Variants in MBD2 observed in about 807,000 individuals in gnomAD.
The protein encoded by MBD2 is methyl-CpG binding domain protein 2.
In MBD2, 9 loss-of-function variants were observed where a neutral mutation model predicts 39.3. That is an observed-to-expected ratio of 0.23 (90% CI 0.14 to 0.40). The LOEUF (loss-of-function observed/expected upper bound fraction) is 0.40. Ranked by LOEUF, MBD2 falls within the 10% of genes least tolerant of loss-of-function variation. MBD2 has a pLI of 1.00. For missense variants in MBD2, 458 were observed against 532.6 expected (o/e 0.86, Z 1.38); for synonymous variants, 233 against 211.1 (o/e 1.10, Z -0.90).
Position 54,153,955 on chromosome 18 carries a change from C to T in MBD2, c.*1369G>A, listed in dbSNP as rs2086037128. ...AACCTAGCTAGTCATATTGCTTTGA[C>T]TATTCCCCTCTTCTTCCCTGCCTTG... On this transcript the variant is annotated 3_prime_UTR_variant, in exon 7 of 7. Transcript: ENST00000256429. The T allele has an allele frequency of 6.6e-6, 1 of 152,212 alleles. No individual in the cohort carries two copies. Among genetic ancestry groups the T allele is most frequent in the African/African-American group, 2.4e-5 (1 of 41,392 alleles). The allele number at this position is 152,212 out of a possible 1,614,324, so 9.4% of individuals were successfully genotyped here. A position where few individuals can be genotyped will look rare whatever the true frequency, so the allele number is the denominator to read the frequency against.
At chr18:54,187,258 A>C (rs2086292424) in intron 3 of MBD2, among the ~76,000 whole-genome samples, 1 of 152,244 alleles carries the variant, frequency 6.6e-6, no homozygotes, top group Admixed American at 6.5e-5. Context: ...TGATCTCATA[A>C]GGAAACTCAA....
At chr18:54,214,503 CATA>C (rs1018680010) in intron 1 of MBD2, among the ~76,000 whole-genome samples, 15 of 152,014 alleles carry the variant, frequency 9.9e-5, no homozygotes, top group African/African-American at 3.6e-4. Flanking sequence ...CTGACCTATG[CATA>C]ATATTTTTTT....
intron 2 of MBD2, among the ~76,000 whole-genome samples, chr18:54,193,902 G>T (rs970872914): frequency 6.6e-6 from 1 of 152,102 alleles, no homozygotes; most frequent in Admixed American, 6.5e-5. Context: ...GATTTCAAAT[G>T]CTCTTTCTTT....
At chr18:54,216,560 C>T (rs1282639351) in intron 1 of MBD2, among the ~76,000 whole-genome samples, 2 of 152,114 alleles carry the variant, frequency 1.3e-5, no homozygotes, top group African/African-American at 2.4e-5. Context: ...TTTCTTAAAG[C>T]AAATGTGATA....
chr18:54,187,953 C>A, intron 3 of MBD2: 3 of 602,942 alleles, frequency 5.0e-6, no homozygotes, highest in Non-Finnish European at 6.2e-6. Flanking sequence ...GGAGATGAGA[C>A]ACTTGAAGGA....
In MBD2 at chr18:54,195,342, C is replaced by T. The variant is rs192763185; in HGVS notation, c.703-6331G>A. ...CTTTAAAATTCACACAAATTTTGCA[C>T]GTTACCTTAAACATTAGTCATGTTT... On this transcript the variant is annotated intron_variant, in intron 2 of 6. Transcript: ENST00000256429. 5.9e-5 allele frequency among the ~76,000 whole-genome samples: 9 copies of T among 152,064 alleles called. No homozygotes were observed. In the East Asian group the frequency reaches 1.5e-3, roughly 26 times the overall value.
Position 54,153,535 on chromosome 18 carries a change from T to C in MBD2, c.*1789A>G, listed in dbSNP as rs2086034315. ...CAAGCTGTTTAGAAAAGCACATATA[T>C]CTTGGCTGGATTGGTTTGTAAAAAG... On this transcript the variant is annotated 3_prime_UTR_variant, in exon 7 of 7. Transcript: ENST00000256429. The C allele has an allele frequency of 6.6e-6, 1 of 152,188 alleles. No homozygotes were observed. The highest frequency in any genetic ancestry group is 2.1e-4 in the South Asian group (1 of 4,834). The allele number at this position is 152,188 out of a possible 1,614,324, so 9.4% of individuals were successfully genotyped here. A position where few individuals can be genotyped will look rare whatever the true frequency, so the allele number is the denominator to read the frequency against.
intron 3 of MBD2, among the ~76,000 whole-genome samples, chr18:54,168,613 TTG>T (rs60604906): frequency 0.19 from 22,392 of 116,454 alleles, 2,609 homozygotes; most frequent in South Asian, 0.32. Context: ...GTATGCATAT[TTG>T]TGTGTGTGTG....
chr18:54,205,963 C>A (rs867357856), intron 1 of MBD2, among the ~76,000 whole-genome samples: 2 of 146,460 alleles, frequency 1.4e-5, no homozygotes, highest in East Asian at 1.9e-4. Flanking sequence ...CACATACACA[C>A]ACACACACAC....
Position 54,224,407 on chromosome 18 carries a change from C to G in MBD2, c.153G>C (p.Arg51Ser). The change falls in exon 1 of 7, where the codon AGG becomes AGC. Residue 51 changes from arginine to serine, a missense_variant. By Grantham distance (110) the Arg-to-Ser change is moderately radical. Transcript: ENST00000256429. The stretch of plus-strand genomic sequence containing the variant: ...CACGGCCGCCGCCCCGAGCGCCTTC[C>G]CTGCGCACGCCGCTCACCGGGGACG... ...LAPSPVSGVR[R>S]EGARGGGRGR... The G allele has an allele frequency of 8.0e-7, 1 of 1,246,422 alleles. No homozygotes were observed. Among genetic ancestry groups the G allele is most frequent in the Non-Finnish European group, 1.0e-6 (1 of 996,934 alleles). The allele number at this position is 1,246,422 out of a possible 1,614,324, so 77.2% of individuals were successfully genotyped here. A position where few individuals can be genotyped will look rare whatever the true frequency, so the allele number is the denominator to read the frequency against.
At chr18:54,209,744 T>C (rs569421259) in intron 1 of MBD2, among the ~76,000 whole-genome samples, 2 of 152,258 alleles carry the variant, frequency 1.3e-5, no homozygotes, top group Non-Finnish European at 2.9e-5. Flanking sequence ...ATTCTGCCCA[T>C]GAGATGAGAT....
intron 3 of MBD2, among the ~76,000 whole-genome samples, chr18:54,174,274 A>T (rs55864804): frequency 0.3 from 45,585 of 152,080 alleles, 7,847 homozygotes; most frequent in East Asian, 0.56. Flanking sequence ...AGGAAGCAAA[A>T]TCATGTCTAG....
chr18:54,177,964 C>G (rs1259858), intron 3 of MBD2, among the ~76,000 whole-genome samples: 58,146 of 151,160 alleles, frequency 0.38, 11,657 homozygotes, highest in East Asian at 0.57. Flanking sequence ...CTCAGCCACC[C>G]GAGTAACTGG....
At chr18:54,203,570 G>A (rs954206343) in intron 2 of MBD2, among the ~76,000 whole-genome samples, 9 of 152,192 alleles carry the variant, frequency 5.9e-5, no homozygotes, top group African/African-American at 1.9e-4. Flanking sequence ...CAAAGGACCT[G>A]CCAATGTCCC....
intron 1 of MBD2, among the ~76,000 whole-genome samples, chr18:54,223,306 C>A (rs1210428223): frequency 2.6e-5 from 4 of 152,194 alleles, no homozygotes; most frequent in African/African-American, 9.7e-5. Flanking sequence ...TGGGCCAGAT[C>A]ATTCTTTGTT....
At chr18:54,167,271 C>T (rs552605493) in intron 3 of MBD2, among the ~76,000 whole-genome samples, 1 of 152,280 alleles carries the variant, frequency 6.6e-6, no homozygotes, top group East Asian at 1.9e-4. Context: ...GAAATCTCAG[C>T]TGCAACACTA....
chr18:54,190,584 T>C (rs2086313868), intron 2 of MBD2, among the ~76,000 whole-genome samples: 2 of 152,250 alleles, frequency 1.3e-5, no homozygotes, highest in Admixed American at 1.3e-4. Flanking sequence ...GAGCTCACGT[T>C]AATTTCAGTG....
intron 3 of MBD2, chr18:54,187,572 G>A: frequency 2.1e-6 from 1 of 468,752 alleles, no homozygotes; most frequent in Non-Finnish European, 2.8e-6. Context: ...GTGGTTTCGT[G>A]ACTATCACTG....
chr18:54,199,925 C>G (rs1042079718), intron 2 of MBD2, among the ~76,000 whole-genome samples: 9 of 152,084 alleles, frequency 5.9e-5, no homozygotes, highest in Admixed American at 1.3e-4. Flanking sequence ...GAAATTGCCA[C>G]CAAGATAGGT....
Sources: gnomAD v4.1 joint callset for allele counts (sites outside exome capture counted in the v4.1 genomes callset) on GRCh38, gnomAD v4.1.1 for gene constraint, MANE v1.5 for transcripts, NCBI Gene and HGNC (gene_info 2026-07-23, HGNC 2026-07-21) for gene names.